Variants in SNAPIN observed in about 807,000 individuals in gnomAD.
The protein encoded by SNAPIN is SNAP associated protein.
Under a neutral mutation model 15.9 loss-of-function variants are expected in SNAPIN, and 16 were observed. That is an observed-to-expected ratio of 1.01 (90% CI 0.68 to 1.53). The LOEUF is 1.53. Ranked by LOEUF, SNAPIN falls within the 40% of genes most tolerant of loss-of-function variation. SNAPIN has a pLI of 0.00. For synonymous variants in SNAPIN, 83 were observed against 76.2 expected, an observed-to-expected ratio of 1.09 and a Z score of -0.46; for missense variants, 186 against 180.1, an observed-to-expected ratio of 1.03 and a Z score of -0.19.
chr1:153,660,331 CTTTT>C (rs534699445), intron 3 of SNAPIN, among the ~76,000 whole-genome samples: 37 of 135,172 alleles, frequency 2.7e-4, no homozygotes, highest in East Asian at 1.4e-3. Context: ...CCTGCCTGGC[CTTTT>C]TTTTTTTTTT....
At chr1:153,661,093 AGACT>A (rs1669144638) in intron 3 of SNAPIN, 103 bp from the exon 4 acceptor site, 4 of 811,376 alleles carry the variant, frequency 4.9e-6, no homozygotes, top group African/African-American at 1.7e-5. Context: ...ATACTTTTGA[AGACT>A]GACTTTGAGG....
chr1:153,660,636 G>A (rs1487130873), intron 3 of SNAPIN, among the ~76,000 whole-genome samples: 2 of 127,850 alleles, frequency 1.6e-5, no homozygotes, highest in African/African-American at 6.3e-5. Context: ...CAACAAGAGC[G>A]AAACTCCGTC....
intron 3 of SNAPIN, among the ~76,000 whole-genome samples, chr1:153,660,360 C>T (rs561212192): frequency 2.3e-4 from 32 of 139,018 alleles, no homozygotes; most frequent in East Asian, 1.8e-3. Flanking sequence ...AATAAAAAGA[C>T]AGGATCGGCT....
intron 3 of SNAPIN, 113 bp downstream of exon 3, chr1:153,659,679 C>T: frequency 2.6e-6 from 2 of 757,230 alleles, no homozygotes; most frequent in Non-Finnish European, 4.5e-6. Flanking sequence ...TCACTTCTCC[C>T]AGTACTTGAA....
rs996356443 is a variant in SNAPIN, at chr1:153,661,787, G to C, written c.*486G>C. 6.4e-6 allele frequency: 1 copy of C among 157,382 alleles called. No individual in the cohort carries two copies. Among genetic ancestry groups the C allele is most frequent in the African/African-American group, 2.4e-5 (1 of 41,470 alleles). The allele number at this position is 157,382 out of a possible 1,614,324, so 9.7% of individuals were successfully genotyped here. On this transcript the variant is annotated 3_prime_UTR_variant, in exon 4 of 4. Coordinates refer to ENST00000368685, the MANE Select transcript of SNAPIN (RefSeq NM_012437.6). ...TTATTGCACTGGCTTGAATACAGTAGCAGTGTTGATAGAATCATTTTATTC... is the reference window on the plus strand; with the variant it reads ...TTATTGCACTGGCTTGAATACAGTACCAGTGTTGATAGAATCATTTTATTC...
At position 153,659,583 on chromosome 1, in the gene SNAPIN, C is replaced by G. The variant is rs1354691892; in HGVS notation, c.309+17C>G. Reference sequence around the variant, plus strand: ...AATGCTCAGGTAAAAGAATATCTTACCAACAGTGATTCTTTGCCCTTTTTT... The same window carrying G: ...AATGCTCAGGTAAAAGAATATCTTAGCAACAGTGATTCTTTGCCCTTTTTT... On this transcript the variant is annotated intron_variant, in intron 3 of 3. Transcript: ENST00000368685. 2 of 1,540,676 alleles carry G rather than the reference C, an allele frequency of 1.3e-6. No homozygotes were observed. The highest frequency in any genetic ancestry group is 1.7e-4 in the Middle Eastern group (1 of 5,924).
At chr1:153,660,126 G>A (rs767741204) in intron 3 of SNAPIN, among the ~76,000 whole-genome samples, 2 of 152,028 alleles carry the variant, frequency 1.3e-5, no homozygotes, top group Admixed American at 6.6e-5. Flanking sequence ...AGGCTCAAGC[G>A]ATCCATCCAC....
In SNAPIN at chr1:153,661,440, T is replaced by G. The variant is rs768046394; in HGVS notation, c.*139T>G. 9 of 630,140 alleles carry G rather than the reference T, an allele frequency of 1.4e-5. No homozygotes were observed. The highest frequency in any genetic ancestry group is 2.4e-5 in the Non-Finnish European group (9 of 374,758). The allele number at this position is 630,140 out of a possible 1,614,324, so 39.0% of individuals were successfully genotyped here. A position where few individuals can be genotyped will look rare whatever the true frequency, so the allele number is the denominator to read the frequency against. ...GAGCCGTACAGTTTGTTTGAAGCAC[T>G]TCGTCTTACCCATTTATGTAGGGGC... On this transcript the variant is annotated 3_prime_UTR_variant, in exon 4 of 4. Coordinates refer to ENST00000368685, the MANE Select transcript of SNAPIN (RefSeq NM_012437.6).
At position 153,658,797 on chromosome 1, in the gene SNAPIN, G is replaced by C; in HGVS notation, c.54G>C (p.Gly18=). The change falls in exon 1 of 4, where the codon GGG becomes GGC. Residue 18 remains glycine (G), a synonymous_variant. Coordinates refer to ENST00000368685, the MANE Select transcript of SNAPIN (RefSeq NM_012437.6). ...CGGGGGCAGGGACCCCGGTGGCGGG[G>C]CCCACAGGCCGCGACCTTTTCGCCG... ...AVSGAGTPVA[G]PTGRDLFAEG... is the part of the protein sequence containing the mutation. 3 of 1,585,370 alleles carry C rather than the reference G, an allele frequency of 1.9e-6. No homozygotes were observed. The highest frequency in any genetic ancestry group is 2.6e-6 in the Non-Finnish European group (3 of 1,171,742).
chr1:153,658,999 G>A, intron 1 of SNAPIN, 113 bp downstream of exon 1: 1 of 1,572,496 alleles, frequency 6.4e-7, no homozygotes, highest in Non-Finnish European at 8.7e-7. Flanking sequence ...GATTCGAGGC[G>A]GGGAGGACAG....
Position 153,659,567 on chromosome 1 carries a change from G to A in SNAPIN, c.309+1G>A, listed in dbSNP as rs1287849518. ...TAACAACATTCTACAGAATGCTCAG[G>A]TAAAAGAATATCTTACCAACAGTGA... On this transcript the variant is annotated splice_donor_variant, in intron 3 of 3. Transcript: ENST00000368685. LOFTEE classifies it high-confidence loss of function. 1 of 1,596,096 alleles carries A rather than the reference G, an allele frequency of 6.3e-7. No homozygotes were observed. Among genetic ancestry groups the A allele is most frequent in the South Asian group, 1.1e-5 (1 of 90,766 alleles).
In SNAPIN at chr1:153,659,497, CTA is replaced by C; in HGVS notation, c.242_243del (p.Tyr81CysfsTer2). On this transcript the variant is annotated frameshift_variant, in exon 3 of 4. Transcript: ENST00000368685. LOFTEE classifies it high-confidence loss of function. ...DQKVALDLDP[Y>X]VKKLLNARRR... ...AGAAGGTGGCCCTGGATCTTGACCC[CTA>C]TGTTAAGAAGCTACTTAATGCCCGG... The C allele has an allele frequency of 6.2e-7, 1 of 1,614,102 alleles. No homozygotes were observed. Among genetic ancestry groups the C allele is most frequent in the Non-Finnish European group, 8.5e-7 (1 of 1,180,004 alleles).
chr1:153,658,915 CCTGT>C, intron 1 of SNAPIN, 29 bp downstream of exon 1: 1 of 1,608,254 alleles, frequency 6.2e-7, no homozygotes, highest in African/African-American at 1.3e-5. Flanking sequence ...GGGGGCGGGG[CCTGT>C]CTCTCTGGCT....
chr1:153,659,248 C>T, intron 2 of SNAPIN, 64 bp downstream of exon 2: 1 of 1,558,490 alleles, frequency 6.4e-7, no homozygotes, highest in Non-Finnish European at 8.8e-7. Context: ...AGGTTTTTGC[C>T]AACCCCTGGG....
At chr1:153,659,851 C>T (rs1394111822) in intron 3 of SNAPIN, among the ~76,000 whole-genome samples, 1 of 152,088 alleles carries the variant, frequency 6.6e-6, no homozygotes, top group Non-Finnish European at 1.5e-5. Context: ...GCAATTCTGC[C>T]TCCGCCTCCC....
intron 3 of SNAPIN, among the ~76,000 whole-genome samples, chr1:153,660,764 A>G (rs1014325218): frequency 2.9e-4 from 44 of 149,222 alleles, no homozygotes; most frequent in Admixed American, 6.7e-4. Flanking sequence ...TGGGATAGGC[A>G]TGAGCACCAT....
chr1:153,659,375 A>G (rs1024167547), intron 2 of SNAPIN, 73 bp from the exon 3 acceptor site: 1 of 1,365,712 alleles, frequency 7.3e-7, no homozygotes, highest in Non-Finnish European at 1.0e-6. Flanking sequence ...TTTCCATCCC[A>G]TTACCAGCCT....
intron 3 of SNAPIN, among the ~76,000 whole-genome samples, chr1:153,660,734 C>G (rs534674509): frequency 2.3e-4 from 35 of 150,376 alleles, no homozygotes; most frequent in African/African-American, 8.3e-4. Context: ...ATCTTCCTGC[C>G]ACTTCCTCCT....
intron 3 of SNAPIN, among the ~76,000 whole-genome samples, chr1:153,660,870 C>T (rs1489434434): frequency 6.6e-6 from 1 of 151,168 alleles, no homozygotes; most frequent in African/African-American, 2.4e-5. Context: ...TTGCAACCTC[C>T]ACCTCCCGGT....
Sources: gnomAD v4.1 joint callset for allele counts (sites outside exome capture counted in the v4.1 genomes callset) on GRCh38, gnomAD v4.1.1 for gene constraint, MANE v1.5 for transcripts, NCBI Gene and HGNC (gene_info 2026-07-23, HGNC 2026-07-21) for gene names.